The following DCP1B variants were observed in gnomAD, a reference collection of about 807,000 sequenced individuals.
DCP1B encodes the protein mRNA-decapping enzyme 1B.
In DCP1B, 47 loss-of-function variants were observed where a neutral mutation model predicts 60.5. The ratio of observed to expected loss-of-function variants is 0.78; its 90% CI spans 0.61 to 0.99. The LOEUF (loss-of-function observed/expected upper bound fraction) is 0.99. Among genes scored for constraint, DCP1B ranks in the 50% least tolerant of loss-of-function variants. DCP1B has a pLI of 0.00. For synonymous variants in DCP1B, 267 were observed against 280.3 expected, an observed-to-expected ratio of 0.95 and a Z score of 0.47; for missense variants, 725 against 756.8, an observed-to-expected ratio of 0.96 and a Z score of 0.49.
intron 3 of DCP1B, among the ~76,000 whole-genome samples, chr12:1,984,553 G>A (rs903354865): frequency 2.6e-5 from 4 of 151,646 alleles, no homozygotes; most frequent in African/African-American, 4.8e-5. Flanking sequence ...TATCACATCC[G>A]TATACACTGA....
chr12:1,992,101 T>A, intron 3 of DCP1B: 1 of 336,150 alleles, frequency 3.0e-6, no homozygotes, highest in Non-Finnish European at 6.2e-6. Flanking sequence ...TCTTTAGTAA[T>A]AAACTACAAT....
chr12:1,995,090 G>C (rs575648380), intron 2 of DCP1B, among the ~76,000 whole-genome samples: 1 of 152,212 alleles, frequency 6.6e-6, no homozygotes, highest in South Asian at 2.1e-4. Flanking sequence ...TCAATTTAAT[G>C]TTTTGTTTAA....
At chr12:1,970,201 G>A (rs553965967) in intron 3 of DCP1B, among the ~76,000 whole-genome samples, 2 of 152,138 alleles carry the variant, frequency 1.3e-5, no homozygotes, top group Non-Finnish European at 2.9e-5. Flanking sequence ...TTTAGGGAGC[G>A]AAAATGCTAC....
chr12:1,955,843 C>CAA (rs1383488615), intron 5 of DCP1B, among the ~76,000 whole-genome samples: 267 of 152,268 alleles, frequency 1.8e-3, no homozygotes, highest in African/African-American at 6.0e-3. Context: ...TTGAAAGGTT[C>CAA]TGTGCTTAAT....
intron 3 of DCP1B, among the ~76,000 whole-genome samples, chr12:1,974,268 T>C (rs573589613): frequency 2.5e-4 from 38 of 152,314 alleles, no homozygotes; most frequent in Non-Finnish European, 4.1e-4. Flanking sequence ...CTCTATCAAT[T>C]GATTACACCT....
chr12:1,989,695 T>C lies in DCP1B; in HGVS notation c.319+3569A>G, dbSNP rs755026743. Reference sequence around the variant, plus strand: ...GCCACTGCACTCCAGCCTGGACAAATAGAGCAAGACTCCGTCTCAATTGAA... The same window carrying C: ...GCCACTGCACTCCAGCCTGGACAAACAGAGCAAGACTCCGTCTCAATTGAA... On this transcript the variant is annotated intron_variant, in intron 3 of 8. Transcript: ENST00000280665. Among the ~76,000 whole-genome samples the C allele has an allele frequency of 7.9e-5, 12 of 152,242 alleles. No homozygotes were observed. The South Asian group carries it at 1.9e-3, about 24-fold the overall frequency.
At chr12:1,993,485 CTTTG>C (rs1297251328) in intron 2 of DCP1B, 94 bp from the exon 3 acceptor site, 3 of 1,492,870 alleles carry the variant, frequency 2.0e-6, no homozygotes, top group South Asian at 2.7e-5. Flanking sequence ...GTCTCTCAAC[CTTTG>C]TTTGTATATG....
In DCP1B at chr12:1,965,681, A is replaced by C. The variant is rs1368936523; in HGVS notation, c.399T>G (p.Tyr133Ter). The part of the protein sequence containing the change: ...IAELMKNLTQ[Y>*]EQLKAHQGTG... ...TTCCCTGATGGGCTTTCAACTGTTC[A>C]TACTGAGTTAGGCTAGAAAAACAGA... The change falls in exon 5 of 9, where the codon TAT becomes TAG. Residue 133 changes from tyrosine (Y) to a stop codon, truncating the protein, a stop_gained. Coordinates refer to ENST00000280665, the MANE Select transcript of DCP1B (RefSeq NM_152640.5). LOFTEE classifies it high-confidence loss of function. The C allele has an allele frequency of 3.7e-6, 6 of 1,610,616 alleles. No homozygotes were observed. In the African/African-American group the frequency reaches 6.7e-5, roughly 18 times the overall value.
intron 3 of DCP1B, among the ~76,000 whole-genome samples, chr12:1,977,978 G>T (rs1036365695): frequency 9.2e-5 from 14 of 151,952 alleles, no homozygotes; most frequent in African/African-American, 3.4e-4. Context: ...TTTCATTCTA[G>T]AGAAAGCACT....
chr12:1,988,515 G>A (rs998519151), intron 3 of DCP1B, among the ~76,000 whole-genome samples: 2 of 152,222 alleles, frequency 1.3e-5, no homozygotes, highest in Non-Finnish European at 2.9e-5. Context: ...CCCTCTGTGA[G>A]GAGGCAACGC....
intron 3 of DCP1B, among the ~76,000 whole-genome samples, chr12:1,979,561 C>G (rs563754462): frequency 6.6e-6 from 1 of 152,082 alleles, no homozygotes; most frequent in East Asian, 1.9e-4. Flanking sequence ...ATCCGCCCGC[C>G]TCAGCCTCCC....
chr12:1,996,523 G>C (rs1280080197), intron 2 of DCP1B, among the ~76,000 whole-genome samples: 1 of 148,996 alleles, frequency 6.7e-6, no homozygotes, highest in African/African-American at 2.5e-5. Flanking sequence ...TATAAAGCAG[G>C]GGTGTCCAAT....
At chr12:1,970,408 G>A (rs1446358061) in intron 3 of DCP1B, among the ~76,000 whole-genome samples, 2 of 151,614 alleles carry the variant, frequency 1.3e-5, no homozygotes, top group Admixed American at 6.6e-5. Context: ...AATAGCCAAA[G>A]GGGAAAAAAA....
intron 4 of DCP1B, among the ~76,000 whole-genome samples, chr12:1,966,396 T>C (rs1218217156): frequency 6.6e-6 from 1 of 152,246 alleles, no homozygotes; most frequent in Admixed American, 6.5e-5. Flanking sequence ...ATTGCTCCTA[T>C]ATGCTGCTAG....
rs540273512 is a variant in DCP1B, at chr12:1,988,589, T to A, written c.319+4675A>T. On this transcript the variant is annotated intron_variant, in intron 3 of 8. Coordinates refer to ENST00000280665, the MANE Select transcript of DCP1B (RefSeq NM_152640.5). ...CTATTTCTTGTTTATTCTATCTCTT[T>A]CGTAAAATGGATCCTTCATCCTTTG... Among the ~76,000 whole-genome samples, 3 of 152,334 alleles carry A rather than the reference T, an allele frequency of 2.0e-5. No individual in the cohort carries two copies. The South Asian group carries it at 6.2e-4, about 32-fold the overall frequency.
intron 1 of DCP1B, among the ~76,000 whole-genome samples, chr12:2,002,328 TAG>T (rs1279775824): frequency 6.6e-6 from 1 of 152,236 alleles, no homozygotes; most frequent in Non-Finnish European, 1.5e-5. Context: ...TGGTCATAAT[TAG>T]TTTGCCTCCA....
intron 1 of DCP1B, among the ~76,000 whole-genome samples, chr12:2,001,158 T>G (rs923526388): frequency 6.6e-6 from 1 of 152,212 alleles, no homozygotes; most frequent in African/African-American, 2.4e-5. Context: ...TTCTGTTCTA[T>G]TACAGCTGCC....
chr12:1,952,789 C>T lies in DCP1B; in HGVS notation c.1151G>A (p.Arg384His), dbSNP rs150033205. 2,274 of 1,614,108 alleles carry T rather than the reference C, an allele frequency of 1.4e-3. 21 individuals carry two copies. In the African/African-American group the frequency reaches 0.025, roughly 18 times the overall value. Residue 384 changes from arginine (R) to histidine (H), a missense_variant, in exon 7 of 9, where the codon CGC becomes CAC. Arg to His is a conservative substitution (Grantham distance 29). Transcript: ENST00000280665. ...GGTGACAGAAGTGGGAGCTCTGCTG[C>T]GGTTCAGGGCAGCTGAGCTGGCAGG... ...PAPASSAALN[R>H]SRAPTSVTPV...
downstream of DCP1B, chr12:1,945,995 A>G (rs1341513805): frequency 1.2e-5 from 5 of 400,844 alleles, no homozygotes; most frequent in East Asian, 2.1e-4. Flanking sequence ...ACAAACCTGC[A>G]TGTTCTGTAC....
Sources: gnomAD v4.1 joint callset for allele counts (sites outside exome capture counted in the v4.1 genomes callset) on GRCh38, gnomAD v4.1.1 for gene constraint, MANE v1.5 for transcripts, NCBI Gene and HGNC (gene_info 2026-07-23, HGNC 2026-07-21) for gene names.